The following C1orf185 variants were observed in gnomAD, a reference collection of about 807,000 sequenced individuals.
The protein encoded by C1orf185 is uncharacterized protein C1orf185.
Under a neutral mutation model 16.1 loss-of-function variants are expected in C1orf185, and 13 were observed. The observed-to-expected ratio is 0.81, with a 90% CI of 0.53 to 1.28. C1orf185 has a LOEUF of 1.28. Ranked by LOEUF, C1orf185 falls within the 50% of genes most tolerant of loss-of-function variation. The pLI, the probability that C1orf185 is intolerant of heterozygous loss-of-function variation, is 0.00. For missense variants in C1orf185, 220 were observed against 225.2 expected, an observed-to-expected ratio of 0.98 and a Z score of 0.15; for synonymous variants, 80 against 76.9, an observed-to-expected ratio of 1.04 and a Z score of -0.21.
intron 3 of C1orf185, among the ~76,000 whole-genome samples, chr1:51,140,664 G>A (rs1017797339): frequency 6.6e-6 from 1 of 151,932 alleles, no homozygotes; most frequent in African/African-American, 2.4e-5. Context: ...GTAGACATAG[G>A]GCTATTCATG....
At position 51,111,370 on chromosome 1, in the gene C1orf185, C is replaced by CTTTTTTTTTTTTTTTTTTTT. The variant is rs35232347; in HGVS notation, c.17-1091_17-1090insTTTTTTTTTTTTTTTTTTTT. Among the ~76,000 whole-genome samples the CTTTTTTTTTTTTTTTTTTTT allele has an allele frequency of 6.0e-4, 69 of 114,394 alleles. 7 individuals carry two copies. Among genetic ancestry groups the CTTTTTTTTTTTTTTTTTTTT allele is most frequent in the African/African-American group, 1.2e-3 (32 of 27,338 alleles). 75.0% of individuals were successfully genotyped at this position (114,394 alleles called of 152,430 possible). On this transcript the variant is annotated intron_variant, in intron 1 of 4. Coordinates refer to ENST00000371759, the MANE Select transcript of C1orf185 (RefSeq NM_001136508.2). ...ATATTGCTTTCATTTAGCTTTCTTT[C>CTTTTTTTTTTTTTTTTTTTT]TTTCTTTTTTTTTTTTTTTGAGAGA...
At chr1:51,130,039 G>A (rs1418597701) in intron 3 of C1orf185, among the ~76,000 whole-genome samples, 1 of 152,126 alleles carries the variant, frequency 6.6e-6, no homozygotes, top group Non-Finnish European at 1.5e-5. Context: ...AACATTGTGT[G>A]TTATACTAAT....
intron 3 of C1orf185, among the ~76,000 whole-genome samples, chr1:51,126,487 C>G (rs1382397939): frequency 6.6e-6 from 1 of 152,152 alleles, no homozygotes; most frequent in Non-Finnish European, 1.5e-5. Flanking sequence ...TCTCGAACTC[C>G]TGGGCTCAAG....
chr1:51,147,353 A>G, intron 4 of C1orf185, 114 bp from the exon 5 acceptor site: 1 of 915,642 alleles, frequency 1.1e-6, no homozygotes, highest in South Asian at 1.9e-5. Context: ...CACTGTGTGG[A>G]TGATAGCAAC....
intron 3 of C1orf185, among the ~76,000 whole-genome samples, chr1:51,137,586 C>T (rs956514052): frequency 1.3e-5 from 2 of 152,010 alleles, no homozygotes; most frequent in Non-Finnish European, 2.9e-5. Flanking sequence ...GAAAAAGGAA[C>T]TCTTACACAC....
chr1:51,138,122 T>C (rs2148029429), intron 3 of C1orf185, among the ~76,000 whole-genome samples: 2 of 152,212 alleles, frequency 1.3e-5, no homozygotes, highest in South Asian at 4.2e-4. Context: ...AATACCTGGG[T>C]GATGAAATAA....
At chr1:51,134,326 G>T (rs1259636966) in intron 3 of C1orf185, among the ~76,000 whole-genome samples, 1 of 152,074 alleles carries the variant, frequency 6.6e-6, no homozygotes, top group Non-Finnish European at 1.5e-5. Context: ...GAATTTCTGG[G>T]ACATAGCTAA....
chr1:51,120,507 C>A (rs1339940590), intron 3 of C1orf185, among the ~76,000 whole-genome samples: 1 of 152,122 alleles, frequency 6.6e-6, no homozygotes, highest in East Asian at 1.9e-4. Flanking sequence ...CCGTACAATT[C>A]TACTATTATT....
At chr1:51,128,356 A>G (rs1397862175) in intron 3 of C1orf185, among the ~76,000 whole-genome samples, 2 of 152,106 alleles carry the variant, frequency 1.3e-5, no homozygotes, top group African/African-American at 2.4e-5. Flanking sequence ...TGGACTTGCC[A>G]ACATATGGTG....
chr1:51,104,761 C>A (rs1163152755), intron 1 of C1orf185, among the ~76,000 whole-genome samples: 1 of 152,132 alleles, frequency 6.6e-6, no homozygotes, highest in African/African-American at 2.4e-5. Context: ...TACACTATTT[C>A]TTACAGTCTA....
chr1:51,121,694 A>T (rs1043591509), intron 3 of C1orf185, among the ~76,000 whole-genome samples: 1 of 152,172 alleles, frequency 6.6e-6, no homozygotes, highest in East Asian at 1.9e-4. Flanking sequence ...ATGATAATAA[A>T]AATAGGTTTA....
At chr1:51,145,663 T>C in intron 3 of C1orf185, 61 bp from the exon 4 acceptor site, 1 of 927,766 alleles carries the variant, frequency 1.1e-6, no homozygotes, top group Non-Finnish European at 1.6e-6. Context: ...ATAAAATATA[T>C]GAAAGAAGTT....
At chr1:51,103,175 G>A (rs1018911955) in intron 1 of C1orf185, among the ~76,000 whole-genome samples, 4 of 151,998 alleles carry the variant, frequency 2.6e-5, no homozygotes, top group African/African-American at 4.8e-5. Flanking sequence ...AGAGGCCGAG[G>A]TGGGAGGATC....
intron 4 of C1orf185, among the ~76,000 whole-genome samples, chr1:51,147,097 G>A (rs1425220425): frequency 6.6e-6 from 1 of 152,048 alleles, no homozygotes; most frequent in African/African-American, 2.4e-5. Flanking sequence ...TTCTCAGAAA[G>A]TTGAATTTGT....
chr1:51,144,034 G>T (rs1646383470), intron 3 of C1orf185, among the ~76,000 whole-genome samples: 1 of 152,150 alleles, frequency 6.6e-6, no homozygotes, highest in Non-Finnish European at 1.5e-5. Context: ...CTAGAAGTGG[G>T]TTTATTAAGT....
rs117811268 is a variant in C1orf185, at chr1:51,105,381, G to C, written c.16+3132G>C. On this transcript the variant is annotated intron_variant, in intron 1 of 4. Coordinates refer to ENST00000371759, the MANE Select transcript of C1orf185 (RefSeq NM_001136508.2). ...AAAAACTTTCTCCTATCTTTCTATA[G>C]ATCTTCCTATGTCTTTATTTTGTAT... 4.8e-4 allele frequency among the ~76,000 whole-genome samples: 73 copies of C among 151,476 alleles called. No individual in the cohort carries two copies. In the East Asian group the frequency reaches 0.014, roughly 29 times the overall value.
chr1:51,124,446 C>G (rs915060020), intron 3 of C1orf185, among the ~76,000 whole-genome samples: 4 of 152,114 alleles, frequency 2.6e-5, no homozygotes, highest in East Asian at 1.9e-4. Context: ...GGGGTTTAGC[C>G]TAGGAGAAAG....
chr1:51,151,627 C>T (rs7526733), downstream of C1orf185, among the ~76,000 whole-genome samples: 11 of 152,018 alleles, frequency 7.2e-5, no homozygotes, highest in Non-Finnish European at 1.3e-4. Context: ...AACCTAGTTC[C>T]GTGATTCCTA....
intron 3 of C1orf185, among the ~76,000 whole-genome samples, chr1:51,132,313 T>C (rs114495468): frequency 0.033 from 4,998 of 152,188 alleles, 139 homozygotes; most frequent in Non-Finnish European, 0.051. Flanking sequence ...CAGAAGTGCA[T>C]TGAAACCCAG....
Sources: allele counts gnomAD v4.1 joint callset (sites outside exome capture counted in the v4.1 genomes callset), GRCh38; gene constraint gnomAD v4.1.1; transcripts MANE v1.5; gene names NCBI Gene and HGNC (gene_info 2026-07-23, HGNC 2026-07-21).